KAT8: variants seen among roughly 807,000 people sequenced by gnomAD.
The protein encoded by KAT8 is lysine acetyltransferase 8.
In KAT8, 40 loss-of-function variants were observed where a neutral mutation model predicts 62.9. That is an observed-to-expected ratio of 0.64 (90% CI 0.49 to 0.83). The LOEUF is 0.83. KAT8 is among the 40% of genes least tolerant of loss of function. The pLI, the probability that KAT8 is intolerant of heterozygous loss-of-function variation, is 0.00. For missense variants in KAT8, 387 were observed against 614.8 expected, an observed-to-expected ratio of 0.63 and a Z score of 3.92; for synonymous variants, 278 against 254.5, an observed-to-expected ratio of 1.09 and a Z score of -0.88.
intron 3 of KAT8, 184 bp from the exon 4 acceptor site, chr16:31,126,851 G>T: frequency 1.6e-6 from 1 of 621,274 alleles, no homozygotes; most frequent in Non-Finnish European, 2.8e-6. Context: ...GCGGGTGGGT[G>T]TGAGAGGAGT....
intron 1 of KAT8, among the ~76,000 whole-genome samples, 171 bp from the exon 2 acceptor site, chr16:31,120,015 C>A (rs2057481467): frequency 6.6e-6 from 1 of 152,074 alleles, no homozygotes; most frequent in Non-Finnish European, 1.5e-5. Context: ...GAATAACAGC[C>A]TCAACCTGAT....
chr16:31,117,939 G>C, intron 1 of KAT8, 47 bp downstream of exon 1: 1 of 1,263,338 alleles, frequency 7.9e-7, no homozygotes, highest in Non-Finnish European at 1.0e-6. Context: ...CTCAGGGCCA[G>C]GGGGTGGGGC....
rs1194114916 is a variant in KAT8, at chr16:31,130,794, C to T, written c.1206C>T (p.Ser402=). ...TQNDIISTLQ[S]LNMVKYWKGQ... ...ATGACATCATCAGTACCCTGCAATC[C>T]CTCAATATGGTCAAGTACTGGAAGG... Residue 402 remains serine (S), a synonymous_variant, in exon 10 of 11, where the codon TCC becomes TCT. Coordinates refer to ENST00000219797, the MANE Select transcript of KAT8 (RefSeq NM_032188.3). The T allele has an allele frequency of 8.1e-6, 13 of 1,614,128 alleles. No individual in the cohort carries two copies. Among genetic ancestry groups the T allele is most frequent in the Non-Finnish European group, 1.1e-5 (13 of 1,180,020 alleles).
chr16:31,123,656 G>GC (rs773208788), intron 3 of KAT8: 1 of 152,208 alleles, frequency 6.6e-6, no homozygotes, highest in Non-Finnish European at 1.5e-5. Flanking sequence ...ACAGGCGTGT[G>GC]CCACCACACC....
rs138277060 is a variant in KAT8 at position 31,120,469 on chromosome 16, T to C, written c.417T>C (p.Thr139=). The C allele has an allele frequency of 2.9e-4, 472 of 1,613,544 alleles. No homozygotes were observed. The highest frequency in any genetic ancestry group is 3.5e-4 in the Non-Finnish European group (415 of 1,179,932). ...ELAEQPERKI[T]RNQKRKHDEI... ...CAGAGCAGCCTGAGCGCAAGATCAC[T>C]CGCAACCAAAAGCGCAAGCATGATG... Residue 139 remains threonine (T), a synonymous_variant, in exon 3 of 11, where the codon ACT becomes ACC. Transcript: ENST00000219797.
At chr16:31,122,377 C>T (rs2057501458) in intron 3 of KAT8, 1 of 152,162 alleles carries the variant, frequency 6.6e-6, no homozygotes, top group Non-Finnish European at 1.5e-5. Flanking sequence ...TGTGTATATA[C>T]AGACATGTTA....
Position 31,120,841 on chromosome 16 carries a change from T to C in KAT8, c.462+327T>C, listed in dbSNP as rs540529094. On this transcript the variant is annotated intron_variant, in intron 3 of 10. Transcript: ENST00000219797. ...TGAAGTTCAGTGGGAAAGACGAGAA[T>C]GTTATTCGGCAGTTGCTATAGCCAA... 8.9e-5 allele frequency: 24 copies of C among 270,430 alleles called. 1 individual carries two copies. The highest frequency in any genetic ancestry group is 8.2e-4 in the South Asian group (12 of 14,628). The allele number at this position is 270,430 out of a possible 1,614,324, so 16.8% of individuals were successfully genotyped here. A position where few individuals can be genotyped will look rare whatever the true frequency, so the allele number is the denominator to read the frequency against.
intron 6 of KAT8, among the ~76,000 whole-genome samples, chr16:31,128,340 G>A (rs1417898001): frequency 2.0e-5 from 3 of 152,164 alleles, no homozygotes. Context: ...CTGAGCTCAG[G>A]AGTTTGAGAG....
intron 1 of KAT8, among the ~76,000 whole-genome samples, chr16:31,119,397 C>A (rs1368426243): frequency 1.3e-5 from 2 of 152,176 alleles, no homozygotes; most frequent in East Asian, 1.9e-4. Context: ...ATTCACCCAC[C>A]TCGGCCTCCC....
rs200926635 is a variant in KAT8 at position 31,127,371 on chromosome 16, G to C, written c.681+18G>C. 2 of 1,612,902 alleles carry C rather than the reference G, an allele frequency of 1.2e-6. No individual in the cohort carries two copies. Among genetic ancestry groups the C allele is most frequent in the Non-Finnish European group, 1.7e-6 (2 of 1,179,486 alleles). ...TCCACTTGGTGAGGCTGGGCCGGCCGGGCCGAGCTGGGCAGGGGCCCGGTG... is the reference window on the plus strand; with the variant it reads ...TCCACTTGGTGAGGCTGGGCCGGCCCGGCCGAGCTGGGCAGGGGCCCGGTG... On this transcript the variant is annotated intron_variant, in intron 5 of 10. Transcript: ENST00000219797.
At chr16:31,120,581 C>T (rs530772129) in intron 3 of KAT8, 67 bp downstream of exon 3, 17 of 1,483,328 alleles carry the variant, frequency 1.1e-5, no homozygotes, top group Admixed American at 2.0e-5. Flanking sequence ...TTGGGTCTCT[C>T]GGGCCCCAGT....
At position 31,117,718 on chromosome 16, in the gene KAT8, G is replaced by C; in HGVS notation, c.37G>C (p.Gly13Arg). The change falls in exon 1 of 11, where the codon GGG (glycine) becomes CGG (arginine). Residue 13 changes from glycine (G) to arginine (R), a missense_variant. Gly to Arg is a moderately radical substitution (Grantham distance 125, BLOSUM62 -2). Coordinates refer to ENST00000219797, the MANE Select transcript of KAT8 (RefSeq NM_032188.3). ...AQGAAAAVAA[G>R]TSGVAGEGEP... ...GGGAGCTGCTGCGGCGGTTGCGGCGGGGACTTCAGGGGTCGCGGGGGAGGG... is the reference window on the plus strand; with the variant it reads ...GGGAGCTGCTGCGGCGGTTGCGGCGCGGACTTCAGGGGTCGCGGGGGAGGG... 1.4e-6 allele frequency: 2 copies of C among 1,383,878 alleles called. No individual in the cohort carries two copies. The highest frequency in any genetic ancestry group is 1.9e-6 in the Non-Finnish European group (2 of 1,063,374). 85.7% of individuals were successfully genotyped at this position (1,383,878 alleles called of 1,614,324 possible).
At chr16:31,118,224 GTCT>G (rs1478216886) in intron 1 of KAT8, 4 of 255,450 alleles carry the variant, frequency 1.6e-5, no homozygotes, top group Non-Finnish European at 2.2e-5. Flanking sequence ...TTGTCTCTGC[GTCT>G]TCTTTTTCCA....
intron 3 of KAT8, among the ~76,000 whole-genome samples, chr16:31,123,201 T>C (rs372634867): frequency 6.6e-6 from 1 of 152,132 alleles, no homozygotes; most frequent in Non-Finnish European, 1.5e-5. Flanking sequence ...AAATTAATTA[T>C]CATTTTTTAA....
chr16:31,120,929 A>G (rs11865499), intron 3 of KAT8: 58,957 of 159,504 alleles, frequency 0.37, 12,131 homozygotes, highest in South Asian at 0.68. Flanking sequence ...TTCAACACAC[A>G]GGAATAGTTA....
intron 3 of KAT8, among the ~76,000 whole-genome samples, chr16:31,125,152 A>G (rs1371852896): frequency 1.3e-5 from 2 of 151,598 alleles, no homozygotes; most frequent in African/African-American, 2.4e-5. Context: ...AGATCTCCCC[A>G]CTGCACTCCA....
chr16:31,125,011 G>C (rs543065535), intron 3 of KAT8, among the ~76,000 whole-genome samples: 1 of 151,976 alleles, frequency 6.6e-6, no homozygotes, highest in Admixed American at 6.6e-5. Context: ...TGGGCAACAA[G>C]AGCAAAATTT....
At chr16:31,129,495 T>C (rs2057556404) in intron 6 of KAT8, among the ~76,000 whole-genome samples, 1 of 152,140 alleles carries the variant, frequency 6.6e-6, no homozygotes, top group Non-Finnish European at 1.5e-5. Flanking sequence ...TGTGGTGTCA[T>C]AAACCAGGGA....
chr16:31,118,747 A>G (rs921825216), intron 1 of KAT8: 1 of 152,146 alleles, frequency 6.6e-6, no homozygotes, highest in African/African-American at 2.4e-5. Context: ...CCCGGCAACA[A>G]CACAGCATAG....
Sources: allele counts gnomAD v4.1 joint callset (sites outside exome capture counted in the v4.1 genomes callset), GRCh38; gene constraint gnomAD v4.1.1; transcripts MANE v1.5; gene names NCBI Gene and HGNC (gene_info 2026-07-23, HGNC 2026-07-21).